Variants in PDCD6 observed in about 807,000 individuals in gnomAD.
PDCD6 encodes the protein programmed cell death protein 6.
Under a neutral mutation model 28.3 loss-of-function variants are expected in PDCD6, and 12 were observed. That is an observed-to-expected ratio of 0.42 (90% CI 0.27 to 0.69). The LOEUF is 0.69. Among genes scored for constraint, PDCD6 ranks in the 30% least tolerant of loss-of-function variants. The pLI is 0.22. For synonymous variants in PDCD6, 92 were observed against 108.0 expected (o/e 0.85, Z 0.92); for missense variants, 226 against 269.9 (o/e 0.84, Z 1.14).
intron 2 of PDCD6, among the ~76,000 whole-genome samples, chr5:279,463 C>G (rs919590452): frequency 6.6e-6 from 1 of 152,094 alleles, no homozygotes; most frequent in African/African-American, 2.4e-5. Flanking sequence ...GGTTCCCACC[C>G]TCAGCCTAGA....
At chr5:301,056 G>A (rs1202361286) in intron 2 of PDCD6, among the ~76,000 whole-genome samples, 7 of 152,228 alleles carry the variant, frequency 4.6e-5, no homozygotes, top group African/African-American at 1.4e-4. Context: ...TTGTTTGACC[G>A]TGTTATTTGC....
chr5:284,814 A>G (rs1014952467), intron 2 of PDCD6, among the ~76,000 whole-genome samples: 2 of 136,548 alleles, frequency 1.5e-5, no homozygotes, highest in Admixed American at 7.2e-5. Flanking sequence ...GGGCCATACA[A>G]CTGGAGACCC....
intron 3 of PDCD6, 53 bp from the exon 4 acceptor site, chr5:306,549 G>A (rs973681687): frequency 3.7e-6 from 6 of 1,601,196 alleles, no homozygotes; most frequent in Non-Finnish European, 5.1e-6. Context: ...GAAGCCTCAA[G>A]TGAGTTTGCT....
At chr5:285,562 C>G (rs1428264037) in intron 2 of PDCD6, among the ~76,000 whole-genome samples, 1 of 151,500 alleles carries the variant, frequency 6.6e-6, no homozygotes, top group African/African-American at 2.4e-5. Context: ...ACTGGAGACC[C>G]GGCAGGGAGC....
chr5:295,764 A>C (rs1415654740), intron 2 of PDCD6, among the ~76,000 whole-genome samples: 1 of 146,924 alleles, frequency 6.8e-6, no homozygotes, highest in Non-Finnish European at 1.5e-5. Flanking sequence ...GGTTTGTTCC[A>C]GATCCCGCTG....
At chr5:296,618 T>A (rs1264036542) in intron 2 of PDCD6, among the ~76,000 whole-genome samples, 1 of 152,138 alleles carries the variant, frequency 6.6e-6, no homozygotes, top group Non-Finnish European at 1.5e-5. Context: ...AATTAATTGA[T>A]TTATGTCGAG....
chr5:283,151 G>A (rs1409816534), intron 2 of PDCD6, among the ~76,000 whole-genome samples: 1 of 151,370 alleles, frequency 6.6e-6, no homozygotes, highest in East Asian at 1.9e-4. Context: ...TCTAGATTGA[G>A]GATCTTGTAG....
At position 314,541 on chromosome 5, in the gene PDCD6, C is replaced by A. The variant is rs1741146124; in HGVS notation, c.*26C>A. 6.5e-7 allele frequency: 1 copy of A among 1,538,604 alleles called. No homozygotes were observed. The highest frequency in any genetic ancestry group is 9.0e-7 in the Non-Finnish European group (1 of 1,111,826). ...CCCTGGCCTCTCGTGAAGAGCAGCA[C>A]AACATGGAAAGAGCCAAAATGTCAC... is the stretch of plus-strand genomic sequence containing the variant. On this transcript the variant is annotated 3_prime_UTR_variant, in exon 6 of 6. Transcript: ENST00000264933.
At chr5:306,374 TA>T (rs1170524594) in intron 3 of PDCD6, 1 of 502,320 alleles carries the variant, frequency 2.0e-6, no homozygotes, top group Non-Finnish European at 3.6e-6. Flanking sequence ...TCCTGGGACT[TA>T]GGGGGTCAGG....
chr5:294,080 A>C (rs1739451477), intron 2 of PDCD6, among the ~76,000 whole-genome samples: 1 of 150,654 alleles, frequency 6.6e-6, no homozygotes, highest in Non-Finnish European at 1.5e-5. Flanking sequence ...CTAAATGGAG[A>C]ACATAACGCT....
intron 2 of PDCD6, among the ~76,000 whole-genome samples, chr5:288,647 C>A (rs1363190762): frequency 6.6e-6 from 1 of 151,958 alleles, no homozygotes; most frequent in Non-Finnish European, 1.5e-5. Flanking sequence ...GTAAACAGGA[C>A]CCAGAGGAGC....
intron 5 of PDCD6, chr5:312,216 G>C (rs1307011541): frequency 6.6e-6 from 1 of 152,166 alleles, no homozygotes; most frequent in Non-Finnish European, 1.5e-5. Flanking sequence ...TCTCCTGCTG[G>C]GCTCTCTTTG....
At chr5:275,316 T>C (rs1308177568) in intron 2 of PDCD6, among the ~76,000 whole-genome samples, 1 of 152,196 alleles carries the variant, frequency 6.6e-6, no homozygotes, top group African/African-American at 2.4e-5. Flanking sequence ...ATGAAGCCCG[T>C]AGTCACTGTT....
At chr5:280,963 T>C (rs1738527045) in intron 2 of PDCD6, among the ~76,000 whole-genome samples, 1 of 152,270 alleles carries the variant, frequency 6.6e-6, no homozygotes, top group Non-Finnish European at 1.5e-5. Context: ...TTGGGATTAA[T>C]GTGTATTCTG....
intron 2 of PDCD6, among the ~76,000 whole-genome samples, chr5:301,568 C>T (rs937174059): frequency 1.3e-5 from 2 of 152,286 alleles, no homozygotes. Context: ...CTCTATTCAG[C>T]TTAACAGATG....
Position 314,402 on chromosome 5 carries a change from C to T in PDCD6, c.478-15C>T, listed in dbSNP as rs780795882. On this transcript the variant is annotated splice_polypyrimidine_tract_variant and intron_variant, in intron 5 of 5. Coordinates refer to ENST00000264933, the MANE Select transcript of PDCD6 (RefSeq NM_013232.4). Reference sequence around the variant, plus strand: ...CCATTTACTATCGAGATTTAAATGCCTGTTTTCTCCCCAGAGGTTGACGGA... The same window carrying T: ...CCATTTACTATCGAGATTTAAATGCTTGTTTTCTCCCCAGAGGTTGACGGA... 3.1e-6 allele frequency: 5 copies of T among 1,593,098 alleles called. No individual in the cohort carries two copies. In the South Asian group the frequency reaches 5.5e-5, roughly 18 times the overall value.
At chr5:274,500 C>T (rs192524497) in intron 2 of PDCD6, among the ~76,000 whole-genome samples, 7 of 152,278 alleles carry the variant, frequency 4.6e-5, no homozygotes, top group South Asian at 2.1e-4. Context: ...GAAATGCATG[C>T]GAGGTGTTTC....
At chr5:283,611 G>A (rs1487189008) in intron 2 of PDCD6, among the ~76,000 whole-genome samples, 1 of 152,160 alleles carries the variant, frequency 6.6e-6, no homozygotes, top group Non-Finnish European at 1.5e-5. Flanking sequence ...AGGAGCTGAT[G>A]TTCTAGATTG....
intron 4 of PDCD6, chr5:310,016 T>TG: frequency 4.1e-6 from 1 of 244,092 alleles, no homozygotes; most frequent in African/African-American, 4.0e-5. Context: ...ATGGCCGCCG[T>TG]CCCCGTGCAC....
Sources: gnomAD v4.1 joint callset for allele counts (sites outside exome capture counted in the v4.1 genomes callset) on GRCh38, gnomAD v4.1.1 for gene constraint, MANE v1.5 for transcripts, NCBI Gene and HGNC (gene_info 2026-07-23, HGNC 2026-07-21) for gene names.